Variants in SLC20A1 observed in about 807,000 individuals in gnomAD.
SLC20A1 encodes the protein solute carrier family 20 member 1.
In SLC20A1, 28 loss-of-function variants were observed where a neutral mutation model predicts 62.7. The observed-to-expected ratio is 0.45, with a 90% confidence interval of 0.33 to 0.61. The LOEUF (loss-of-function observed/expected upper bound fraction) is 0.61. Ranked by LOEUF, SLC20A1 falls within the 20% of genes least tolerant of loss-of-function variation. The pLI is 0.02. For synonymous variants in SLC20A1, 305 were observed against 302.9 expected, an observed-to-expected ratio of 1.01 and a Z score of -0.07; for missense variants, 673 against 838.6, an observed-to-expected ratio of 0.80 and a Z score of 2.44.
chr2:112,657,721 A>G (rs1686630722), intron 6 of SLC20A1, among the ~76,000 whole-genome samples: 1 of 152,260 alleles, frequency 6.6e-6, no homozygotes, highest in South Asian at 2.1e-4. Flanking sequence ...TGTTGTATAT[A>G]GGCTAGAATA....
At chr2:112,661,106 A>G (rs779433029) in intron 9 of SLC20A1, 36 bp from the exon 10 acceptor site, 1 of 1,563,764 alleles carries the variant, frequency 6.4e-7, no homozygotes, top group Non-Finnish European at 8.8e-7. Flanking sequence ...AAAAAGTCAA[A>G]CTCACTTCCT....
rs1686812462 is a variant in SLC20A1, at chr2:112,663,781, T to G, written c.*756T>G. 1 of 152,902 alleles carries G rather than the reference T, an allele frequency of 6.5e-6. No individual in the cohort carries two copies. The highest frequency in any genetic ancestry group is 1.5e-5 in the Non-Finnish European group (1 of 68,238). The allele number at this position is 152,902 out of a possible 1,614,324, so 9.5% of individuals were successfully genotyped here. A position where few individuals can be genotyped will look rare whatever the true frequency, so the allele number is the denominator to read the frequency against. ...AGTGGGACAGCCTTCCATGTTCATT[T>G]GTCTACCTCTTAACTGAATAAAAAA... On this transcript the variant is annotated 3_prime_UTR_variant, in exon 11 of 11. Coordinates refer to ENST00000272542, the MANE Select transcript of SLC20A1 (RefSeq NM_005415.5).
intron 5 of SLC20A1, chr2:112,653,051 T>C (rs1024532700): frequency 2.6e-6 from 2 of 778,132 alleles, no homozygotes. Context: ...CCACTGATAA[T>C]ATGATCATCT....
At chr2:112,650,363 C>G (rs1431962572) in intron 4 of SLC20A1, among the ~76,000 whole-genome samples, 1 of 144,334 alleles carries the variant, frequency 6.9e-6, no homozygotes, top group Non-Finnish European at 1.5e-5. Flanking sequence ...GACGGAGTCT[C>G]ACTCTGTTGC....
chr2:112,654,782 G>A (rs542255358), intron 5 of SLC20A1, among the ~76,000 whole-genome samples: 1 of 151,432 alleles, frequency 6.6e-6, no homozygotes, highest in Non-Finnish European at 1.5e-5. Context: ...TGTAATCCCA[G>A]CTACTTCGGA....
chr2:112,656,779 G>A (rs1686600039), intron 5 of SLC20A1, among the ~76,000 whole-genome samples: 2 of 152,170 alleles, frequency 1.3e-5, no homozygotes, highest in Non-Finnish European at 2.9e-5. Context: ...TGGAACACTT[G>A]CTGTCTTTTT....
At chr2:112,661,432 T>A (rs1322658600) in intron 10 of SLC20A1, among the ~76,000 whole-genome samples, 1 of 152,218 alleles carries the variant, frequency 6.6e-6, no homozygotes, top group Non-Finnish European at 1.5e-5. Context: ...ATATACAGCT[T>A]ACTGTAGTTT....
intron 3 of SLC20A1, 65 bp downstream of exon 3, chr2:112,647,529 A>G: frequency 6.3e-7 from 1 of 1,590,226 alleles, no homozygotes; most frequent in Non-Finnish European, 8.6e-7. Context: ...GGCATTAGGT[A>G]TGGGAGGATG....
At position 112,662,941 on chromosome 2, in the gene SLC20A1, G is replaced by A. The variant is rs763942880; in HGVS notation, c.1956G>A (p.Met652Ile). 3 of 1,614,108 alleles carry A rather than the reference G, an allele frequency of 1.9e-6. No homozygotes were observed. The highest frequency in any genetic ancestry group is 1.7e-6 in the Non-Finnish European group (2 of 1,180,014). Residue 652 changes from methionine (M) to isoleucine (I), a missense_variant, in exon 11 of 11, where the codon ATG becomes ATA. Coordinates refer to ENST00000272542, the MANE Select transcript of SLC20A1 (RefSeq NM_005415.5). ...VDWRLFRNIF[M>I]AWFVTVPISG... The stretch of plus-strand genomic sequence containing the variant: ...GGCGTCTCTTTCGTAACATTTTTAT[G>A]GCCTGGTTTGTCACAGTCCCCATTT...
At chr2:112,649,868 GTTTTGTGAAGACC>G (rs1172064298) in intron 4 of SLC20A1, among the ~76,000 whole-genome samples, 1 of 152,216 alleles carries the variant, frequency 6.6e-6, no homozygotes, top group Non-Finnish European at 1.5e-5. Context: ...AAGATGGGGG[GTTTTGTGAAGACC>G]TTTCCTGTCC....
intron 5 of SLC20A1, among the ~76,000 whole-genome samples, chr2:112,654,958 T>C (rs1686542724): frequency 7.3e-6 from 1 of 137,084 alleles, no homozygotes; most frequent in Non-Finnish European, 1.5e-5. Context: ...CCTCAATTTG[T>C]TTCTAATTTT....
At chr2:112,653,568 T>G (rs1686497570) in intron 5 of SLC20A1, among the ~76,000 whole-genome samples, 1 of 152,172 alleles carries the variant, frequency 6.6e-6, no homozygotes, top group African/African-American at 2.4e-5. Context: ...AGGACACACA[T>G]GTATGTATGT....
chr2:112,646,963 A>C lies in SLC20A1; in HGVS notation c.135A>C (p.Ala45=). 6.2e-7 allele frequency: 1 copy of C among 1,614,164 alleles called. No individual in the cohort carries two copies. The highest frequency in any genetic ancestry group is 8.5e-7 in the Non-Finnish European group (1 of 1,180,038). Residue 45 remains alanine (A), a synonymous_variant, in exon 2 of 11, where the codon GCA becomes GCC. Coordinates refer to ENST00000272542, the MANE Select transcript of SLC20A1 (RefSeq NM_005415.5). ...LAFSVGANDV[A]NSFGTAVGSG... is the part of the protein sequence containing the mutation. ...TCTCCGTGGGAGCCAATGATGTAGC[A>C]AATTCTTTTGGTACAGCTGTGGGCT...
intron 5 of SLC20A1, chr2:112,653,201 T>C (rs1558691810): frequency 3.1e-5 from 9 of 287,646 alleles, no homozygotes; most frequent in Non-Finnish European, 2.8e-5. Flanking sequence ...CTCTCCCAAA[T>C]GGAGATACTA....
At position 112,646,888 on chromosome 2, in the gene SLC20A1, C is replaced by G. The variant is rs202070891; in HGVS notation, c.60C>G (p.Asp20Glu). ...CCGCCGCTTCTGGTCCTTTGGTGGACTACCTATGGATGCTCATCCTGGGCT... is the reference window on the plus strand; with the variant it reads ...CCGCCGCTTCTGGTCCTTTGGTGGAGTACCTATGGATGCTCATCCTGGGCT... ...AATAASGPLV[D>E]YLWMLILGFI... The change falls in exon 2 of 11, where the codon GAC becomes GAG. Residue 20 changes from aspartate to glutamate, a missense_variant. Transcript: ENST00000272542. The G allele has an allele frequency of 6.2e-7, 1 of 1,613,880 alleles. No individual in the cohort carries two copies. The highest frequency in any genetic ancestry group is 1.3e-5 in the African/African-American group (1 of 74,878).
At chr2:112,662,581 AAAAAT>A (rs752396885) in intron 10 of SLC20A1, among the ~76,000 whole-genome samples, 1 of 152,154 alleles carries the variant, frequency 6.6e-6, no homozygotes, top group Non-Finnish European at 1.5e-5. Context: ...CTCCGTCTCA[AAAAAT>A]AAATAAATAA....
At chr2:112,655,524 T>G (rs1245853298) in intron 5 of SLC20A1, among the ~76,000 whole-genome samples, 1 of 798 alleles carries the variant, frequency 1.3e-3, no homozygotes, top group African/African-American at 1.8e-3. Context: ...CTTTTATGGG[T>G]TTTTTTTTTT....
intron 9 of SLC20A1, chr2:112,660,777 C>A: frequency 1.9e-6 from 1 of 537,172 alleles, no homozygotes; most frequent in Non-Finnish European, 3.2e-6. Flanking sequence ...CTGGTGGTCT[C>A]TGAAGAAAAT....
rs1379375745 is a variant in SLC20A1, at chr2:112,660,516, G to T, written c.1737G>T (p.Trp579Cys). The T allele has an allele frequency of 4.3e-6, 7 of 1,614,046 alleles. No homozygotes were observed. The African/African-American group carries it at 8.0e-5, about 18-fold the overall frequency. The change falls in exon 9 of 11, where the codon TGG (tryptophan) becomes TGT (cysteine). Residue 579 changes from tryptophan (W) to cysteine (C), a missense_variant. Transcript: ENST00000272542. Reference sequence around the variant, plus strand: ...GTATCTGTGTTGGTCTGTGGGTTTGGGGAAGAAGAGTTATCCAGACCATGG... The same window carrying T: ...GTATCTGTGTTGGTCTGTGGGTTTGTGGAAGAAGAGTTATCCAGACCATGG... The part of the protein sequence containing the change: ...GVGICVGLWV[W>C]GRRVIQTMGK...
Sources: gnomAD v4.1 joint callset for allele counts (sites outside exome capture counted in the v4.1 genomes callset) on GRCh38, gnomAD v4.1.1 for gene constraint, MANE v1.5 for transcripts, NCBI Gene and HGNC (gene_info 2026-07-23, HGNC 2026-07-21) for gene names.